The following AKAP6 variants were observed in gnomAD, a reference collection of about 807,000 sequenced individuals.
AKAP6 encodes A-kinase anchoring protein 6.
AKAP6 carries 58 observed loss-of-function variants against 188.5 expected under a neutral mutation model. The observed-to-expected ratio is 0.31, with a 90% CI of 0.25 to 0.38. The LOEUF is 0.38. Among genes scored for constraint, AKAP6 ranks in the 10% least tolerant of loss-of-function variants. The pLI is 1.00. For missense variants in AKAP6, 2,710 were observed against 2,740.0 expected, an observed-to-expected ratio of 0.99 and a Z score of 0.24; for synonymous variants, 989 against 998.6, an observed-to-expected ratio of 0.99 and a Z score of 0.18.
chr14:32,708,471 C>T (rs1404770061), intron 9 of AKAP6, among the ~76,000 whole-genome samples: 1 of 151,858 alleles, frequency 6.6e-6, no homozygotes, highest in African/African-American at 2.4e-5. Flanking sequence ...TTCCCAAAGC[C>T]GTAGCTAGCT....
At chr14:32,347,391 G>C (rs1887104537) in intron 1 of AKAP6, among the ~76,000 whole-genome samples, 1 of 152,172 alleles carries the variant, frequency 6.6e-6, no homozygotes, top group Non-Finnish European at 1.5e-5. Context: ...ACTGAAGTAG[G>C]AGTGAGTCCA....
intron 2 of AKAP6, among the ~76,000 whole-genome samples, chr14:32,532,499 C>T (rs893753291): frequency 2.0e-5 from 3 of 152,132 alleles, no homozygotes; most frequent in African/African-American, 7.2e-5. Context: ...CTTGTTCTGA[C>T]TACGTTCCTA....
chr14:32,445,118 G>GA (rs1185943158), intron 2 of AKAP6, among the ~76,000 whole-genome samples: 1 of 152,176 alleles, frequency 6.6e-6, no homozygotes, highest in Non-Finnish European at 1.5e-5. Context: ...TAAGTTCCTT[G>GA]AAAATCTAGA....
chr14:32,414,545 G>A (rs972943386), intron 1 of AKAP6, among the ~76,000 whole-genome samples: 1 of 152,142 alleles, frequency 6.6e-6, no homozygotes, highest in African/African-American at 2.4e-5. Context: ...TACTGTTCCC[G>A]CTGGTCATCG....
At chr14:32,491,053 G>A (rs1388151002) in intron 2 of AKAP6, among the ~76,000 whole-genome samples, 1 of 152,144 alleles carries the variant, frequency 6.6e-6, no homozygotes, top group Non-Finnish European at 1.5e-5. Context: ...TTGCTGAGGT[G>A]ATCTGGCTGT....
chr14:32,582,090 C>T (rs1422733061), intron 5 of AKAP6, among the ~76,000 whole-genome samples: 20 of 150,084 alleles, frequency 1.3e-4, no homozygotes, highest in African/African-American at 2.7e-4. Flanking sequence ...TTCCTAGCCT[C>T]GATGGTCTTT....
chr14:32,461,862 A>G (rs1891336824), intron 2 of AKAP6, among the ~76,000 whole-genome samples: 1 of 152,022 alleles, frequency 6.6e-6, no homozygotes, highest in Non-Finnish European at 1.5e-5. Flanking sequence ...GCTAACTAGA[A>G]TAACTACTTT....
At chr14:32,467,071 C>T (rs1013038717) in intron 2 of AKAP6, among the ~76,000 whole-genome samples, 5 of 151,054 alleles carry the variant, frequency 3.3e-5, no homozygotes, top group East Asian at 1.9e-4. Context: ...GAGGAGGGTA[C>T]GGATGGAAAA....
In AKAP6 at chr14:32,831,817, G is replaced by C. The variant is rs889505189; in HGVS notation, c.*2012G>C. The stretch of plus-strand genomic sequence containing the variant: ...CATTGCAGGGGTAATAGAAGAAAAA[G>C]TAAATTGGGAGGACTTAATGGAAGG... On this transcript the variant is annotated 3_prime_UTR_variant, in exon 14 of 14. Transcript: ENST00000280979. 1 of 152,168 alleles carries C rather than the reference G, an allele frequency of 6.6e-6. No homozygotes were observed. Among genetic ancestry groups the C allele is most frequent in the African/African-American group, 2.4e-5 (1 of 41,446 alleles). The allele number at this position is 152,168 out of a possible 1,614,324, so 9.4% of individuals were successfully genotyped here.
intron 12 of AKAP6, among the ~76,000 whole-genome samples, chr14:32,792,095 A>G (rs865797236): frequency 1.3e-5 from 2 of 151,446 alleles, no homozygotes; most frequent in Non-Finnish European, 1.5e-5. Flanking sequence ...GATTGTCTGG[A>G]CTCTGTGGGC....
chr14:32,573,335 T>C (rs1441966566), intron 4 of AKAP6, among the ~76,000 whole-genome samples: 2 of 152,152 alleles, frequency 1.3e-5, no homozygotes, highest in African/African-American at 4.8e-5. Flanking sequence ...AAAATCTGAT[T>C]TTTATAGTCC....
At chr14:32,343,841 C>A (rs972610837) in intron 1 of AKAP6, among the ~76,000 whole-genome samples, 1 of 150,704 alleles carries the variant, frequency 6.6e-6, no homozygotes, top group African/African-American at 2.4e-5. Flanking sequence ...TTGGCCCATG[C>A]TTCACACCCC....
Position 32,746,554 on chromosome 14 carries a change from G to A in AKAP6, c.3372+10672G>A, listed in dbSNP as rs535255726. Among the ~76,000 whole-genome samples, 4 of 152,310 alleles carry A rather than the reference G, an allele frequency of 2.6e-5. No homozygotes were observed. In the East Asian group the frequency reaches 7.7e-4, roughly 29 times the overall value. ...GAGCTGGTATCTGAGATGCAAGACA[G>A]TCAGAGTGGATCATCATTAAATTGG... On this transcript the variant is annotated intron_variant, in intron 11 of 13. Transcript: ENST00000280979.
rs146646773 is a variant in AKAP6 at position 32,380,757 on chromosome 14, G to A, written c.-35+51349G>A. Among the ~76,000 whole-genome samples, 12 of 152,256 alleles carry A rather than the reference G, an allele frequency of 7.9e-5. No individual in the cohort carries two copies. The East Asian group carries it at 9.7e-4, about 12-fold the overall frequency. ...TTATTTGCTGCTAGAGTCCTGTCACGTGAGAAAAGCAACTCGCTACCATTA... is the reference window on the plus strand; with the variant it reads ...TTATTTGCTGCTAGAGTCCTGTCACATGAGAAAAGCAACTCGCTACCATTA... On this transcript the variant is annotated intron_variant, in intron 1 of 13. Transcript: ENST00000280979.
chr14:32,462,983 A>G (rs1716668196), intron 2 of AKAP6, among the ~76,000 whole-genome samples: 2 of 23,626 alleles, frequency 8.5e-5, no homozygotes, highest in East Asian at 5.8e-4. Flanking sequence ...CAAAGATTAA[A>G]AAAAAAAAAA....
At chr14:32,708,052 TG>T (rs1213216183) in intron 9 of AKAP6, among the ~76,000 whole-genome samples, 15 of 152,068 alleles carry the variant, frequency 9.9e-5, no homozygotes, top group African/African-American at 3.4e-4. Flanking sequence ...TAGTATTCTC[TG>T]GTGTATTCTT....
chr14:32,606,117 A>G (rs925471719), intron 7 of AKAP6, among the ~76,000 whole-genome samples: 3 of 152,232 alleles, frequency 2.0e-5, no homozygotes, highest in African/African-American at 4.8e-5. Context: ...ACATGGAAAT[A>G]GAGAATAGAA....
intron 12 of AKAP6, 125 bp from the exon 13 acceptor site, chr14:32,821,277 C>T (rs981568135): frequency 1.9e-5 from 19 of 974,516 alleles, no homozygotes; most frequent in Admixed American, 2.9e-5. Context: ...ATAATTAGGC[C>T]GTCTTTCAAG....
chr14:32,758,259 C>G (rs2032412149), intron 11 of AKAP6, among the ~76,000 whole-genome samples: 1 of 152,126 alleles, frequency 6.6e-6, no homozygotes, highest in Non-Finnish European at 1.5e-5. Context: ...ATGACTCACC[C>G]AGGATCACAC....
Sources: allele counts gnomAD v4.1 joint callset (sites outside exome capture counted in the v4.1 genomes callset), GRCh38; gene constraint gnomAD v4.1.1; transcripts MANE v1.5; gene names NCBI Gene and HGNC (gene_info 2026-07-23, HGNC 2026-07-21).